RAP1GDS1: variants seen among roughly 807,000 people sequenced by gnomAD.
The protein encoded by RAP1GDS1 is Rap1 GTPase-GDP dissociation stimulator 1.
Under a neutral mutation model 71.1 loss-of-function variants are expected in RAP1GDS1, and 35 were observed. That is an observed-to-expected ratio of 0.49 (90% CI 0.38 to 0.65). RAP1GDS1 has a LOEUF of 0.65. Ranked by LOEUF, RAP1GDS1 falls within the 30% of genes least tolerant of loss-of-function variation. RAP1GDS1 has a pLI of 0.00. For missense variants in RAP1GDS1, 663 were observed against 706.1 expected (o/e 0.94, Z 0.69); for synonymous variants, 229 against 243.1 (o/e 0.94, Z 0.54).
intron 2 of RAP1GDS1, among the ~76,000 whole-genome samples, chr4:98,318,143 A>G (rs115148276): frequency 0.017 from 2,586 of 152,180 alleles, 65 homozygotes; most frequent in African/African-American, 0.059. Flanking sequence ...GCGTCCAGTG[A>G]TATCTGACTA....
intron 12 of RAP1GDS1, among the ~76,000 whole-genome samples, chr4:98,423,989 T>C (rs966542190): frequency 6.6e-6 from 1 of 152,218 alleles, no homozygotes; most frequent in Non-Finnish European, 1.5e-5. Flanking sequence ...CAGCCATTTT[T>C]GAAACAAATT....
intron 2 of RAP1GDS1, among the ~76,000 whole-genome samples, chr4:98,312,182 A>G (rs1730328423): frequency 6.6e-6 from 1 of 152,218 alleles, no homozygotes; most frequent in Non-Finnish European, 1.5e-5. Flanking sequence ...CATTTTAATA[A>G]TAGTATCATC....
chr4:98,391,843 A>ATAAC (rs1743725020), intron 5 of RAP1GDS1, 109 bp from the exon 6 acceptor site: 6 of 1,070,420 alleles, frequency 5.6e-6, no homozygotes, highest in East Asian at 2.7e-5. Context: ...TGTAATTTAA[A>ATAAC]TAACTTTGAG....
intron 7 of RAP1GDS1, among the ~76,000 whole-genome samples, chr4:98,412,270 T>C (rs2110171527): frequency 6.6e-6 from 1 of 152,290 alleles, no homozygotes; most frequent in African/African-American, 2.4e-5. Context: ...CCTAGCACTT[T>C]GGGAGGCCAA....
At chr4:98,350,613 G>C (rs1048853297) in intron 3 of RAP1GDS1, among the ~76,000 whole-genome samples, 12 of 152,174 alleles carry the variant, frequency 7.9e-5, no homozygotes, top group Non-Finnish European at 5.9e-5. Context: ...GCCAAGGCAG[G>C]TGGATCACGA....
chr4:98,425,984 G>A (rs1289337799), intron 12 of RAP1GDS1, among the ~76,000 whole-genome samples: 1 of 151,948 alleles, frequency 6.6e-6, no homozygotes, highest in Non-Finnish European at 1.5e-5. Context: ...CACAAAACAA[G>A]CCTCAATAAA....
intron 7 of RAP1GDS1, chr4:98,409,394 A>C (rs770856717): frequency 6.5e-6 from 1 of 153,720 alleles, no homozygotes; most frequent in African/African-American, 2.4e-5. Context: ...TCTACAGGAA[A>C]GGTGATATTG....
At chr4:98,285,712 C>T (rs1725860577) in intron 1 of RAP1GDS1, among the ~76,000 whole-genome samples, 1 of 150,564 alleles carries the variant, frequency 6.6e-6, no homozygotes, top group African/African-American at 2.4e-5. Flanking sequence ...TTATAACTGT[C>T]ATAAAATTAT....
chr4:98,383,466 A>G lies in RAP1GDS1; in HGVS notation c.508+4303A>G, dbSNP rs184417498. Among the ~76,000 whole-genome samples, 253 of 151,540 alleles carry G rather than the reference A, an allele frequency of 1.7e-3. 1 individual carries two copies. The highest frequency in any genetic ancestry group is 5.1e-3 in the African/African-American group (210 of 41,478). ...TACAGCCGATTTTTCTAATATTTTA[A>G]TTACTCCTCATTATTGAAAAACTAA... On this transcript the variant is annotated intron_variant, in intron 5 of 14. Coordinates refer to ENST00000408927, the MANE Select transcript of RAP1GDS1 (RefSeq NM_001100427.2).
At position 98,346,691 on chromosome 4, in the gene RAP1GDS1, C is replaced by T. The variant is rs536661599; in HGVS notation, c.235+3430C>T. 3.6e-4 allele frequency among the ~76,000 whole-genome samples: 54 copies of T among 152,100 alleles called. 1 individual carries two copies. The highest frequency in any genetic ancestry group is 2.3e-3 in the South Asian group (11 of 4,816). On this transcript the variant is annotated intron_variant, in intron 3 of 14. Transcript: ENST00000408927. ...CCCTGAGTAGGTGGAATTACAGGCACGTACCACCACACCCGGCTAATTTTT... is the reference window on the plus strand; with the variant it reads ...CCCTGAGTAGGTGGAATTACAGGCATGTACCACCACACCCGGCTAATTTTT...
intron 6 of RAP1GDS1, among the ~76,000 whole-genome samples, chr4:98,393,460 A>ATTC (rs59425433): frequency 0.042 from 6,374 of 152,230 alleles, 313 homozygotes; most frequent in African/African-American, 0.12. Flanking sequence ...TGACAAAGTT[A>ATTC]TTCTTTTCCG....
chr4:98,417,289 G>A lies in RAP1GDS1; in HGVS notation c.908-78G>A, dbSNP rs1032134352. On this transcript the variant is annotated intron_variant, in intron 8 of 14. Coordinates refer to ENST00000408927, the MANE Select transcript of RAP1GDS1 (RefSeq NM_001100427.2). ...TTTGTGAGGTGTGAGTTTCCAGTTG[G>A]ATATTCACCTAAGAATGTGAATTTG... The A allele has an allele frequency of 3.6e-6, 5 of 1,403,040 alleles. No individual in the cohort carries two copies. The African/African-American group carries it at 4.3e-5, about 12-fold the overall frequency. 86.9% of individuals were successfully genotyped at this position (1,403,040 alleles called of 1,614,324 possible).
intron 1 of RAP1GDS1, among the ~76,000 whole-genome samples, chr4:98,289,554 C>CAAAAA (rs6148589): frequency 1.0e-3 from 102 of 101,962 alleles, no homozygotes; most frequent in African/African-American, 1.9e-3. Flanking sequence ...CTCTGGTAAA[C>CAAAAA]AAAAAAAAAA....
At chr4:98,265,107 G>A (rs1288309265) in intron 1 of RAP1GDS1, among the ~76,000 whole-genome samples, 2 of 152,164 alleles carry the variant, frequency 1.3e-5, no homozygotes, top group Non-Finnish European at 2.9e-5. Flanking sequence ...GTGCAGGATC[G>A]ATTAGATGAG....
At chr4:98,423,764 A>G (rs1749217305) in intron 12 of RAP1GDS1, among the ~76,000 whole-genome samples, 1 of 152,060 alleles carries the variant, frequency 6.6e-6, no homozygotes, top group Non-Finnish European at 1.5e-5. Flanking sequence ...GGCTGGTCTC[A>G]AACTGCCGAC....
chr4:98,337,674 C>T (rs1193456761), intron 2 of RAP1GDS1, among the ~76,000 whole-genome samples: 5 of 152,176 alleles, frequency 3.3e-5, no homozygotes, highest in African/African-American at 1.2e-4. Flanking sequence ...GAATAGCTTT[C>T]AGTCAGGTAC....
chr4:98,306,020 G>T (rs544312655), intron 2 of RAP1GDS1, among the ~76,000 whole-genome samples: 2 of 152,164 alleles, frequency 1.3e-5, no homozygotes, highest in Admixed American at 6.5e-5. Context: ...TATACTTGGG[G>T]AAAAAGAGAT....
intron 4 of RAP1GDS1, among the ~76,000 whole-genome samples, chr4:98,363,967 G>C (rs1281417970): frequency 6.6e-6 from 1 of 152,128 alleles, no homozygotes; most frequent in Non-Finnish European, 1.5e-5. Flanking sequence ...TACCTGGACA[G>C]AAGATGGGGC....
chr4:98,318,871 C>T (rs1371290201), intron 2 of RAP1GDS1, among the ~76,000 whole-genome samples: 1 of 152,094 alleles, frequency 6.6e-6, no homozygotes, highest in Admixed American at 6.6e-5. Flanking sequence ...TGTTTATTTC[C>T]AGAACTTTCC....
Sources: gnomAD v4.1 joint callset for allele counts (sites outside exome capture counted in the v4.1 genomes callset) on GRCh38, gnomAD v4.1.1 for gene constraint, MANE v1.5 for transcripts, NCBI Gene and HGNC (gene_info 2026-07-23, HGNC 2026-07-21) for gene names.